The following MCM9 variants were observed in gnomAD, a reference collection of about 807,000 sequenced individuals.
The protein encoded by MCM9 is minichromosome maintenance 9 homologous recombination repair factor.
A neutral mutation model predicts 72.8 loss-of-function variants in MCM9; 55 were observed. That is an observed-to-expected ratio of 0.76 (90% CI 0.61 to 0.95). The LOEUF (loss-of-function observed/expected upper bound fraction) is 0.95. Among genes scored for constraint, MCM9 ranks in the 40% least tolerant of loss-of-function variants. The pLI is 0.00. For missense variants in MCM9, 1,279 were observed against 1,377.0 expected (o/e 0.93, Z 1.13); for synonymous variants, 480 against 503.4 (o/e 0.95, Z 0.62).
chr6:118,865,407 T>G (rs191716309), intron 8 of MCM9, among the ~76,000 whole-genome samples: 1 of 152,138 alleles, frequency 6.6e-6, no homozygotes, highest in Non-Finnish European at 1.5e-5. Flanking sequence ...CAGCAGAAGA[T>G]AGTAGGCATA....
Position 118,917,585 on chromosome 6 carries a change from A to G in MCM9, c.880T>C (p.Tyr294His), listed in dbSNP as rs921538864. The change falls in exon 6 of 14, where the codon TAC becomes CAC. Residue 294 changes from tyrosine to histidine, a missense_variant. Coordinates refer to ENST00000619706, the MANE Select transcript of MCM9 (RefSeq NM_017696.3). ...VQKEFEDFWE[Y>H]YKSDPFAGRN... The stretch of plus-strand genomic sequence containing the variant: ...CCTGCAAAGGGATCGCTCTTATAGT[A>G]TTCCCAAAAATCTTCGAATTCCTTT... The G allele has an allele frequency of 3.1e-6, 5 of 1,614,212 alleles. No homozygotes were observed. Among genetic ancestry groups the G allele is most frequent in the Non-Finnish European group, 4.2e-6 (5 of 1,180,032 alleles).
chr6:118,895,031 G>C (rs993227418), intron 8 of MCM9, among the ~76,000 whole-genome samples: 1 of 152,160 alleles, frequency 6.6e-6, no homozygotes, highest in African/African-American at 2.4e-5. Context: ...GCCTGCCCCC[G>C]GCGAAAGGCA....
At position 118,815,042 on chromosome 6, in the gene MCM9, T is replaced by C; in HGVS notation, c.3214A>G (p.Lys1072Glu). The C allele has an allele frequency of 1.3e-6, 2 of 1,550,488 alleles. No individual in the cohort carries two copies. The highest frequency in any genetic ancestry group is 1.7e-6 in the Non-Finnish European group (2 of 1,146,776). ...TTCTTCCTTTCAGGAGGAGGGGATT[T>C]TGATTTGGATTCCGATGGGGGAGTA... ...CFTPPSESKSKSPPPERKNRG... is the reference protein window; with the variant it reads ...CFTPPSESKSESPPPERKNRG... Residue 1072 changes from lysine (K) to glutamate (E), a missense_variant, in exon 14 of 14, where the codon AAA becomes GAA. Physicochemically the swap from Lys to Glu is moderately conservative, Grantham distance 56. Coordinates refer to ENST00000619706, the MANE Select transcript of MCM9 (RefSeq NM_017696.3).
At position 118,905,747 on chromosome 6, in the gene MCM9, T is replaced by C. The variant is rs369816959; in HGVS notation, c.1150+5903A>G. 50 of 1,613,614 alleles carry C rather than the reference T, an allele frequency of 3.1e-5. No individual in the cohort carries two copies. In the East Asian group the frequency reaches 6.0e-4, roughly 19 times the overall value. On this transcript the variant is annotated intron_variant, in intron 8 of 13. Coordinates refer to ENST00000619706, the MANE Select transcript of MCM9 (RefSeq NM_017696.3). ...GTACCTATCGAGGACAAGAATTTAT[T>C]AGAGTTGGCTATTATGTAAATAATG...
rs1405950915 is a variant in MCM9, at chr6:118,930,349, C to T, written c.304+1071G>A. Among the ~76,000 whole-genome samples the T allele has an allele frequency of 6.6e-5, 10 of 152,166 alleles. No individual in the cohort carries two copies. The East Asian group carries it at 9.7e-4, about 15-fold the overall frequency. ...GGATGGTCTCGATTTCCTGACCTTG[C>T]GATCTGCCCGCCTTGGCCTCCCAAA... On this transcript the variant is annotated intron_variant, in intron 3 of 13. Coordinates refer to ENST00000619706, the MANE Select transcript of MCM9 (RefSeq NM_017696.3).
intron 8 of MCM9, among the ~76,000 whole-genome samples, chr6:118,895,611 A>G (rs935086414): frequency 6.6e-6 from 1 of 152,134 alleles, no homozygotes; most frequent in Non-Finnish European, 1.5e-5. Context: ...CATATATTTT[A>G]AGGTCTTAAA....
intron 8 of MCM9, among the ~76,000 whole-genome samples, chr6:118,892,241 G>A (rs1778995171): frequency 6.6e-6 from 1 of 152,334 alleles, no homozygotes; most frequent in Non-Finnish European, 1.5e-5. Context: ...AATTCTTGCA[G>A]CTTCCAGTGA....
At chr6:118,887,871 G>A (rs1778695126) in intron 8 of MCM9, among the ~76,000 whole-genome samples, 2 of 152,114 alleles carry the variant, frequency 1.3e-5, no homozygotes, top group African/African-American at 4.8e-5. Flanking sequence ...GGTTGAGGTG[G>A]GAAGATCACT....
At chr6:118,879,155 T>C (rs527260063) in intron 8 of MCM9, among the ~76,000 whole-genome samples, 157 of 151,502 alleles carry the variant, frequency 1.0e-3, no homozygotes, top group African/African-American at 3.6e-3. Context: ...AAGAGGAGCA[T>C]AGTATACATG....
intron 8 of MCM9, among the ~76,000 whole-genome samples, chr6:118,868,372 T>A (rs1284287178): frequency 2.6e-5 from 4 of 152,184 alleles, no homozygotes; most frequent in Admixed American, 6.5e-5. Context: ...AAGGACTTCA[T>A]GACTTAAATA....
At chr6:118,871,675 G>C (rs1777602853) in intron 8 of MCM9, among the ~76,000 whole-genome samples, 1 of 152,148 alleles carries the variant, frequency 6.6e-6, no homozygotes, top group South Asian at 2.1e-4. Flanking sequence ...CCAACACACT[G>C]GGAGGCCAAG....
chr6:118,843,641 C>CATATATATATATATATATACACGT (rs763509537), intron 9 of MCM9, among the ~76,000 whole-genome samples: 1 of 66,274 alleles, frequency 1.5e-5, no homozygotes, highest in African/African-American at 7.9e-5. Flanking sequence ...CAAAACAAAA[C>CATATATATATATATATATACACGT]ATATATATAT....
chr6:118,908,952 A>T (rs1382992409), intron 8 of MCM9: 2 of 152,604 alleles, frequency 1.3e-5, no homozygotes, highest in African/African-American at 4.8e-5. Context: ...CTATCATTCT[A>T]AAAAAGTGAA....
chr6:118,814,642 T>G lies in MCM9; in HGVS notation c.*182A>C. 1.9e-6 allele frequency: 1 copy of G among 533,488 alleles called. No homozygotes were observed. The highest frequency in any genetic ancestry group is 3.1e-6 in the Non-Finnish European group (1 of 319,470). 33.0% of individuals were successfully genotyped at this position (533,488 alleles called of 1,614,324 possible). A position where few individuals can be genotyped will look rare whatever the true frequency, so the allele number is the denominator to read the frequency against. On this transcript the variant is annotated 3_prime_UTR_variant, in exon 14 of 14. Transcript: ENST00000619706. ...CTGGTATCACACTGACCTCAACTGA[T>G]TATACAACTTTTTAAGTCATGAAGA...
intron 8 of MCM9, among the ~76,000 whole-genome samples, chr6:118,870,259 A>C (rs1426898794): frequency 1.3e-5 from 2 of 152,306 alleles, no homozygotes; most frequent in Non-Finnish European, 1.5e-5. Flanking sequence ...AGACCACAAA[A>C]CAAGTCTTCA....
intron 8 of MCM9, among the ~76,000 whole-genome samples, chr6:118,886,711 C>T (rs1778629205): frequency 6.6e-6 from 1 of 152,070 alleles, no homozygotes; most frequent in Admixed American, 6.6e-5. Context: ...CTCAGCACTT[C>T]AAGAGGCTGA....
chr6:118,861,514 A>G (rs1163353400), intron 8 of MCM9, among the ~76,000 whole-genome samples: 1 of 152,212 alleles, frequency 6.6e-6, no homozygotes, highest in Admixed American at 6.5e-5. Flanking sequence ...AGCAAGGTGG[A>G]GAGGAGCTTC....
chr6:118,852,919 T>C (rs1035858345), intron 9 of MCM9, among the ~76,000 whole-genome samples: 1 of 152,220 alleles, frequency 6.6e-6, no homozygotes, highest in African/African-American at 2.4e-5. Context: ...CTGTCATCTT[T>C]CACTTCACAT....
intron 9 of MCM9, among the ~76,000 whole-genome samples, chr6:118,844,009 T>C (rs1448291590): frequency 1.3e-5 from 2 of 151,376 alleles, no homozygotes; most frequent in Non-Finnish European, 2.9e-5. Flanking sequence ...TGATGATGAC[T>C]CAGTGAAGGA....
Sources: gnomAD v4.1 joint callset for allele counts (sites outside exome capture counted in the v4.1 genomes callset) on GRCh38, gnomAD v4.1.1 for gene constraint, MANE v1.5 for transcripts, NCBI Gene and HGNC (gene_info 2026-07-23, HGNC 2026-07-21) for gene names.